The following KIRREL3 variants were observed in gnomAD, a reference collection of about 807,000 sequenced individuals.
The protein encoded by KIRREL3 is kirre like nephrin family adhesion molecule 3, also known as kin of IRRE-like protein 3.
In KIRREL3, 36 loss-of-function variants were observed where a neutral mutation model predicts 89.7. That is an observed-to-expected ratio of 0.40 (90% CI 0.31 to 0.53). The LOEUF is 0.53. Ranked by LOEUF, KIRREL3 falls within the 20% of genes least tolerant of loss-of-function variation. The pLI is 0.49. For synonymous variants in KIRREL3, 445 were observed against 441.4 expected (o/e 1.01, Z -0.10); for missense variants, 864 against 1,056.6 (o/e 0.82, Z 2.53).
At chr11:126,626,536 A>G (rs1943792117) in intron 1 of KIRREL3, among the ~76,000 whole-genome samples, 1 of 152,210 alleles carries the variant, frequency 6.6e-6, no homozygotes, top group Non-Finnish European at 1.5e-5. Flanking sequence ...AGTAGGGGGT[A>G]TCTTGGAGGA....
At chr11:126,467,330 A>G (rs1956758621) in intron 5 of KIRREL3, among the ~76,000 whole-genome samples, 1 of 152,046 alleles carries the variant, frequency 6.6e-6, no homozygotes, top group Non-Finnish European at 1.5e-5. Flanking sequence ...CGGTCTTCCC[A>G]GGTATGGTTG....
intron 1 of KIRREL3, among the ~76,000 whole-genome samples, chr11:126,961,779 A>T (rs1196021801): frequency 5.3e-5 from 8 of 152,242 alleles, no homozygotes; most frequent in African/African-American, 1.9e-4. Flanking sequence ...TAGAGAATAG[A>T]AGTCAAGGCC....
rs370716635 is a variant in KIRREL3, at chr11:126,753,876, C to T, written c.56-190964G>A. On this transcript the variant is annotated intron_variant, in intron 1 of 16. Coordinates refer to ENST00000525144, the MANE Select transcript of KIRREL3 (RefSeq NM_032531.4). Reference sequence around the variant, plus strand: ...TGATTAGATAGAAGGGTCCACAGATCGTATTAGTCTTAACTATAATGGTCT... The same window carrying T: ...TGATTAGATAGAAGGGTCCACAGATTGTATTAGTCTTAACTATAATGGTCT... Among the ~76,000 whole-genome samples, 20 of 152,270 alleles carry T rather than the reference C, an allele frequency of 1.3e-4. No homozygotes were observed. The East Asian group carries it at 2.9e-3, about 22-fold the overall frequency.
chr11:126,992,082 T>C (rs1272058815), intron 1 of KIRREL3, among the ~76,000 whole-genome samples: 1 of 152,188 alleles, frequency 6.6e-6, no homozygotes, highest in Non-Finnish European at 1.5e-5. Flanking sequence ...CATAAGAACA[T>C]AATTACTGCC....
At position 126,526,445 on chromosome 11, in the gene KIRREL3, C is replaced by G. The variant is rs1287182713; in HGVS notation, c.283+93G>C. 1 of 1,246,636 alleles carries G rather than the reference C, an allele frequency of 8.0e-7. No homozygotes were observed. The highest frequency in any genetic ancestry group is 1.1e-6 in the Non-Finnish European group (1 of 890,896). 77.2% of individuals were successfully genotyped at this position (1,246,636 alleles called of 1,614,324 possible). ...GAAAGCTAGAGATTCGATACTCAGA[C>G]ACCTGTGAAGATGGGTGCTCCCTAG... On this transcript the variant is annotated intron_variant, in intron 3 of 16. Coordinates refer to ENST00000525144, the MANE Select transcript of KIRREL3 (RefSeq NM_032531.4). This position sits in a 1 kb window ranked among gnomAD's most constrained non-coding sequence, Gnocchi z 5.7.
intron 1 of KIRREL3, among the ~76,000 whole-genome samples, chr11:126,929,526 CAAAT>C (rs143117251): frequency 0.047 from 7,213 of 152,170 alleles, 172 homozygotes; most frequent in Non-Finnish European, 0.063. Context: ...AAGCAGAAAA[CAAAT>C]AAAAATAAGA....
rs1209031279 is a variant in KIRREL3 at position 126,605,440 on chromosome 11, T to G, written c.56-42528A>C. 2.0e-5 allele frequency among the ~76,000 whole-genome samples: 3 copies of G among 152,058 alleles called. No individual in the cohort carries two copies. The highest frequency in any genetic ancestry group is 7.2e-5 in the African/African-American group (3 of 41,402). ...GGGAGGAGTCCTGCGGTGACTGCTGTGAAGTGGTGTGGGGGCTCAGGATGG... is the reference window on the plus strand; with the variant it reads ...GGGAGGAGTCCTGCGGTGACTGCTGGGAAGTGGTGTGGGGGCTCAGGATGG... On this transcript the variant is annotated intron_variant, in intron 1 of 16. Transcript: ENST00000525144. This position sits in a 1 kb window ranked among gnomAD's most constrained non-coding sequence, Gnocchi z 5.7.
At chr11:126,699,479 A>T (rs2135159032) in intron 1 of KIRREL3, among the ~76,000 whole-genome samples, 1 of 152,342 alleles carries the variant, frequency 6.6e-6, no homozygotes, top group South Asian at 2.1e-4. Flanking sequence ...TCTAGTAGCC[A>T]CACTCAGCGA....
chr11:126,511,949 G>A (rs1240967873), intron 4 of KIRREL3, among the ~76,000 whole-genome samples: 7 of 152,298 alleles, frequency 4.6e-5, no homozygotes, highest in South Asian at 2.1e-4. Context: ...CCCCCAGGGC[G>A]GGCCTCAGAC....
intron 6 of KIRREL3, among the ~76,000 whole-genome samples, chr11:126,456,974 C>G (rs1223644969): frequency 6.6e-6 from 1 of 152,132 alleles, no homozygotes; most frequent in African/African-American, 2.4e-5. Flanking sequence ...CTCAGCTTCC[C>G]AGGCCGGGGC....
At chr11:126,819,265 G>T (rs1943127358) in intron 1 of KIRREL3, among the ~76,000 whole-genome samples, 1 of 152,186 alleles carries the variant, frequency 6.6e-6, no homozygotes, top group Non-Finnish European at 1.5e-5. Context: ...GTACCGTTCT[G>T]TCCCCAGCTG....
chr11:126,857,778 G>GCT (rs1944572883), intron 1 of KIRREL3, among the ~76,000 whole-genome samples: 1 of 121,280 alleles, frequency 8.2e-6, no homozygotes, highest in African/African-American at 3.0e-5. Context: ...AAGTCTTCAG[G>GCT]CTGTGGGGGT....
Position 126,513,343 on chromosome 11 carries a change from G to A in KIRREL3, c.433+7972C>T, listed in dbSNP as rs571725959. ...AGTGGGCACTTGGATAGGCAGTGTC[G>A]AGCTTCTGGGCCCCTCCAGAAATCG... On this transcript the variant is annotated intron_variant, in intron 4 of 16. Transcript: ENST00000525144. This position sits in a 1 kb window ranked among gnomAD's most constrained non-coding sequence, Gnocchi z 5.9. Among the ~76,000 whole-genome samples, 1 of 152,118 alleles carries A rather than the reference G, an allele frequency of 6.6e-6. No homozygotes were observed. Among genetic ancestry groups the A allele is most frequent in the African/African-American group, 2.4e-5 (1 of 41,424 alleles).
intron 1 of KIRREL3, among the ~76,000 whole-genome samples, chr11:126,804,305 G>A (rs1467936836): frequency 6.6e-6 from 1 of 152,214 alleles, no homozygotes; most frequent in East Asian, 1.9e-4. Context: ...AAAGTCTGAA[G>A]ATGACCTTTT....
At chr11:126,560,242 G>T (rs1209678457) in intron 2 of KIRREL3, among the ~76,000 whole-genome samples, 1 of 151,806 alleles carries the variant, frequency 6.6e-6, no homozygotes, top group Non-Finnish European at 1.5e-5. Context: ...CCTTTTGATG[G>T]CTCAATTGTG....
chr11:126,858,270 T>A (rs1944596146), intron 1 of KIRREL3, among the ~76,000 whole-genome samples: 1 of 152,214 alleles, frequency 6.6e-6, no homozygotes, highest in African/African-American at 2.4e-5. Context: ...CCTGTGACTA[T>A]GAGAGGCCAG....
At position 126,821,351 on chromosome 11, in the gene KIRREL3, A is replaced by ATATATG. The variant is rs756545626; in HGVS notation, c.55+179103_55+179104insCATATA. 2.9e-4 allele frequency among the ~76,000 whole-genome samples: 30 copies of ATATATG among 105,204 alleles called. 2 individuals are homozygous for ATATATG. The highest frequency in any genetic ancestry group is 1.2e-3 in the Admixed American group (13 of 10,768). 69.0% of individuals were successfully genotyped at this position (105,204 alleles called of 152,430 possible). ...ACAGTATATATATATATATATATATATGTAACTTCCAACCAACATCCCTTC... is the reference window on the plus strand; with the variant it reads ...ACAGTATATATATATATATATATATATATATGTGTAACTTCCAACCAACATCCCTTC... On this transcript the variant is annotated intron_variant, in intron 1 of 16. Transcript: ENST00000525144.
intron 1 of KIRREL3, among the ~76,000 whole-genome samples, chr11:126,841,648 T>C (rs559698864): frequency 9.2e-5 from 14 of 152,378 alleles, no homozygotes; most frequent in Non-Finnish European, 1.6e-4. Context: ...GACAAATGTT[T>C]GTTTATTGAA....
chr11:126,688,520 A>G (rs1431305618), intron 1 of KIRREL3, among the ~76,000 whole-genome samples: 1 of 152,214 alleles, frequency 6.6e-6, no homozygotes, highest in Non-Finnish European at 1.5e-5. Flanking sequence ...TTATTGCTGA[A>G]CAAACTAAAA....
Sources: gnomAD v4.1 joint callset for allele counts (sites outside exome capture counted in the v4.1 genomes callset) on GRCh38, gnomAD v4.1.1 for gene constraint, Gnocchi (gnomAD v3.1) non-coding constraint, MANE v1.5 for transcripts, NCBI Gene and HGNC (gene_info 2026-07-23, HGNC 2026-07-21) for gene names.